INF2: variants seen among roughly 807,000 people sequenced by gnomAD.
INF2 encodes the protein inverted formin-2.
A neutral mutation model predicts 123.5 loss-of-function variants in INF2; 43 were observed. That is an observed-to-expected ratio of 0.35 (90% CI 0.27 to 0.45). INF2 has a LOEUF of 0.45. Ranked by LOEUF, INF2 falls within the 20% of genes least tolerant of loss-of-function variation. The pLI is 1.00. For synonymous variants in INF2, 851 were observed against 745.0 expected (o/e 1.14, Z -2.32); for missense variants, 1,453 against 1,682.7 (o/e 0.86, Z 2.39).
chr14:104,712,796 C>T (rs767401154), intron 17 of INF2, 32 bp from the exon 18 acceptor site: 9 of 1,584,850 alleles, frequency 5.7e-6, no homozygotes, highest in African/African-American at 1.3e-5. Context: ...GCGCGGGGCT[C>T]TCACGGGACT....
At chr14:104,693,140 G>A (rs575428662) in intron 1 of INF2, among the ~76,000 whole-genome samples, 170 of 152,360 alleles carry the variant, frequency 1.1e-3, no homozygotes, top group African/African-American at 3.9e-3. Flanking sequence ...ATGCTGCCAA[G>A]GCCCCTGGCC....
chr14:104,686,250 G>T (rs1269413495), upstream of INF2, among the ~76,000 whole-genome samples: 4 of 150,970 alleles, frequency 2.6e-5, no homozygotes, highest in African/African-American at 9.8e-5. Flanking sequence ...TGGGTGGGTG[G>T]ATAGATGAAT....
rs61998905 is a variant in INF2, at chr14:104,720,786, G to A, written c.*1993G>A. 19 of 2,770 alleles carry A rather than the reference G, an allele frequency of 6.9e-3. No homozygotes were observed. Among genetic ancestry groups the A allele is most frequent in the Admixed American group, 0.015 (3 of 194 alleles). The allele number at this position is 2,770 out of a possible 1,614,324, so 0.2% of individuals were successfully genotyped here. A position where few individuals can be genotyped will look rare whatever the true frequency, so the allele number is the denominator to read the frequency against. On this transcript the variant is annotated 3_prime_UTR_variant, in exon 23 of 23. Transcript: ENST00000392634. ...GGATGCTGCTGTGGACGTCTGCGTC[G>A]TCTCGTGTGGATGCTGCTGTGGACG... is the stretch of plus-strand genomic sequence containing the variant.
rs1165900393 is a variant in INF2 at position 104,703,402 on chromosome 14, C to T, written c.615C>T (p.Ile205=). 1.9e-6 allele frequency: 3 copies of T among 1,612,828 alleles called. No homozygotes were observed. Among genetic ancestry groups the T allele is most frequent in the African/African-American group, 1.3e-5 (1 of 74,946 alleles). Residue 205 remains isoleucine (I), a synonymous_variant, in exon 4 of 23, where the codon ATC becomes ATT. Transcript: ENST00000392634. ...TGCTTAGCGTGATCAACGCCGTCATCTTGGGCCCCGAGGACCTGCGCGCGC... is the reference window on the plus strand; with the variant it reads ...TGCTTAGCGTGATCAACGCCGTCATTTTGGGCCCCGAGGACCTGCGCGCGC... ...VTLLSVINAV[I]LGPEDLRART...
intron 1 of INF2, among the ~76,000 whole-genome samples, chr14:104,698,849 C>T (rs1055433508): frequency 1.3e-5 from 2 of 152,212 alleles, no homozygotes; most frequent in African/African-American, 4.8e-5. Flanking sequence ...CGCAGCCCAG[C>T]GAGACCCTGT....
intron 1 of INF2, among the ~76,000 whole-genome samples, chr14:104,682,294 C>T (rs560291395): frequency 1.6e-4 from 24 of 151,928 alleles, no homozygotes; most frequent in African/African-American, 3.6e-4. Flanking sequence ...GGGGCTTTAG[C>T]GGGGAAGTGC....
At chr14:104,688,746 C>T (rs927270766), upstream of INF2, among the ~76,000 whole-genome samples, 1 of 152,210 alleles carries the variant, frequency 6.6e-6, no homozygotes, top group Non-Finnish European at 1.5e-5. Context: ...CCTCTAGCTG[C>T]CAGTGGCCCC....
chr14:104,715,372 A>G, intron 22 of INF2, 32 bp downstream of exon 22: 1 of 1,595,602 alleles, frequency 6.3e-7, no homozygotes, highest in Non-Finnish European at 8.6e-7. Flanking sequence ...CGTGGGGGCT[A>G]ACAGCAGCTG....
intron 6 of INF2, 149 bp from the exon 7 acceptor site, chr14:104,706,761 C>T: frequency 1.2e-6 from 1 of 833,470 alleles, no homozygotes; most frequent in East Asian, 2.7e-5. Context: ...CACATGTCAC[C>T]AGTACCACAG....
chr14:104,711,739 G>A (rs769697344), intron 16 of INF2, 40 bp downstream of exon 16: 1 of 1,596,106 alleles, frequency 6.3e-7, no homozygotes, highest in Non-Finnish European at 8.6e-7. Context: ...CAGCCAGGTG[G>A]GGGCCTGACT....
chr14:104,713,540 G>C lies in INF2; in HGVS notation c.2974G>C (p.Gly992Arg), dbSNP rs749482670. The C allele has an allele frequency of 6.2e-7, 1 of 1,611,746 alleles. No homozygotes were observed. The highest frequency in any genetic ancestry group is 8.5e-7 in the Non-Finnish European group (1 of 1,179,510). ...CTTCCAGCTGCGGAAGACAGCCCGG[G>C]GCCGCGGGGACACCGACGGGGGCAG... ...KGFQLRKTAR[G>R]RGDTDGGSKA... is the part of the protein sequence containing the mutation. The change falls in exon 20 of 23, where the codon GGC becomes CGC. Residue 992 changes from glycine to arginine, a missense_variant. Physicochemically the swap from Gly to Arg is moderately radical, Grantham distance 125 (BLOSUM62 -2). Transcript: ENST00000392634.
chr14:104,692,929 C>T (rs1889023498), intron 1 of INF2, among the ~76,000 whole-genome samples: 1 of 152,256 alleles, frequency 6.6e-6, no homozygotes, highest in Admixed American at 6.5e-5. Flanking sequence ...CCCCGAGCCT[C>T]TGTGCCCTCA....
chr14:104,683,156 G>C (rs1368034597), intron 1 of INF2, among the ~76,000 whole-genome samples: 1 of 152,112 alleles, frequency 6.6e-6, no homozygotes, highest in Non-Finnish European at 1.5e-5. Flanking sequence ...ACAGAGACCT[G>C]GGGGAGGGGT....
chr14:104,682,763 A>G (rs1277653821), intron 1 of INF2, among the ~76,000 whole-genome samples: 1 of 152,040 alleles, frequency 6.6e-6, no homozygotes, highest in African/African-American at 2.4e-5. Context: ...CCAAGCCCTC[A>G]CCTAGGGGAA....
At chr14:104,687,460 C>CCACA (rs5811148), upstream of INF2, among the ~76,000 whole-genome samples, 351 of 149,502 alleles carry the variant, frequency 2.3e-3, 3 homozygotes, top group South Asian at 0.013. This position sits in a 1 kb window ranked among gnomAD's most constrained non-coding sequence, Gnocchi z 5.6. Flanking sequence ...GGCCTCCACT[C>CCACA]CACACACACA....
chr14:104,686,128 G>GTGAA, upstream of INF2, among the ~76,000 whole-genome samples: 1 of 150,378 alleles, frequency 6.6e-6, no homozygotes, highest in African/African-American at 2.4e-5. Flanking sequence ...TGGATGATGG[G>GTGAA]TAGGTGGATG....
chr14:104,709,019 C>T lies in INF2; in HGVS notation c.1950-262C>T, dbSNP rs1294092718. Among the ~76,000 whole-genome samples the T allele has an allele frequency of 4.6e-5, 7 of 152,186 alleles. No homozygotes were observed. In the East Asian group the frequency reaches 1.3e-3, roughly 29 times the overall value. On this transcript the variant is annotated intron_variant, in intron 10 of 22. Coordinates refer to ENST00000392634, the MANE Select transcript of INF2 (RefSeq NM_022489.4). ...CCGAGTCCTTTCCTGCTGCGGGTGT[C>T]CAGCACTGGCCCGAGGGAGCTGGCT...
chr14:104,686,013 AGGTG>A (rs1403769751), upstream of INF2, among the ~76,000 whole-genome samples: 15 of 15,620 alleles, frequency 9.6e-4, no homozygotes, highest in African/African-American at 4.0e-3. Context: ...GTGGGTGGAT[AGGTG>A]GGTGGGTAGG....
chr14:104,710,525 A>G (rs2140681262), intron 13 of INF2, among the ~76,000 whole-genome samples: 1 of 152,106 alleles, frequency 6.6e-6, no homozygotes, highest in South Asian at 2.1e-4. Context: ...GTGCACACAC[A>G]CAAGCCCACA....
Sources: gnomAD v4.1 joint callset for allele counts (sites outside exome capture counted in the v4.1 genomes callset) on GRCh38, gnomAD v4.1.1 for gene constraint, Gnocchi (gnomAD v3.1) non-coding constraint, MANE v1.5 for transcripts, NCBI Gene and HGNC (gene_info 2026-07-23, HGNC 2026-07-21) for gene names.